ARHGEF10: variants seen among roughly 807,000 people sequenced by gnomAD.
The protein encoded by ARHGEF10 is Rho guanine nucleotide exchange factor (GEF) 10.
ARHGEF10 carries 140 observed loss-of-function variants against 147.4 expected under a neutral mutation model. The observed-to-expected ratio is 0.95, with a 90% CI of 0.83 to 1.09. The LOEUF is 1.09. ARHGEF10 is among the 50% of genes least tolerant of loss of function. The pLI is 0.00. For missense variants in ARHGEF10, 2,222 were observed against 1,752.7 expected (o/e 1.27, Z -4.78); for synonymous variants, 902 against 695.8 (o/e 1.30, Z -4.67).
intron 2 of ARHGEF10, among the ~76,000 whole-genome samples, chr8:1,844,675 G>A (rs939945357): frequency 3.3e-5 from 5 of 152,112 alleles, no homozygotes; most frequent in African/African-American, 4.8e-5. Flanking sequence ...GACGTCGGCC[G>A]GTCTCCTTGC....
At chr8:1,921,543 C>A (rs1436029683) in intron 18 of ARHGEF10, among the ~76,000 whole-genome samples, 1 of 152,148 alleles carries the variant, frequency 6.6e-6, no homozygotes, top group African/African-American at 2.4e-5. Flanking sequence ...GCCTTGCCAA[C>A]ATGGTGAACC....
At chr8:1,894,038 G>C (rs1809764335) in intron 12 of ARHGEF10, among the ~76,000 whole-genome samples, 1 of 151,988 alleles carries the variant, frequency 6.6e-6, no homozygotes, top group Admixed American at 6.6e-5. Context: ...GCCGGGTGTG[G>C]CGGTATGTGC....
At chr8:1,890,804 C>A (rs1463090717) in intron 11 of ARHGEF10, among the ~76,000 whole-genome samples, 1 of 151,922 alleles carries the variant, frequency 6.6e-6, no homozygotes, top group Non-Finnish European at 1.5e-5. Flanking sequence ...AGAGGTTTGA[C>A]CTTTTTGTTG....
intron 1 of ARHGEF10, among the ~76,000 whole-genome samples, chr8:1,835,013 G>A (rs56180055): frequency 0.15 from 22,178 of 152,288 alleles, 1,923 homozygotes; most frequent in Non-Finnish European, 0.2. Flanking sequence ...AAGCGGGTCC[G>A]CCACAACGCT....
At chr8:1,865,015 G>A (rs1467887991) in intron 5 of ARHGEF10, among the ~76,000 whole-genome samples, 4 of 152,246 alleles carry the variant, frequency 2.6e-5, no homozygotes, top group Admixed American at 6.5e-5. Context: ...TATATAGAAT[G>A]TAGTGTGAGG....
At chr8:1,844,927 A>G (rs1437479982) in intron 2 of ARHGEF10, among the ~76,000 whole-genome samples, 1 of 152,128 alleles carries the variant, frequency 6.6e-6, no homozygotes, top group Non-Finnish European at 1.5e-5. Flanking sequence ...ATGTAATAAT[A>G]ATTAGTTGTA....
In ARHGEF10 at chr8:1,826,439, T is replaced by C. The variant is rs997881868; in HGVS notation, c.-48+2326T>C. Among the ~76,000 whole-genome samples, 4 of 151,748 alleles carry C rather than the reference T, an allele frequency of 2.6e-5. No individual in the cohort carries two copies. The South Asian group carries it at 8.3e-4, about 32-fold the overall frequency. On this transcript the variant is annotated intron_variant, in intron 1 of 28. Coordinates refer to ENST00000349830, the MANE Select transcript of ARHGEF10 (RefSeq NM_014629.4). ...TGTGTGTGTGCGCTTTGTGTGTGTG[T>C]GTGTGCGCGTGTGTGAGTTGTAGAT...
At chr8:1,865,762 C>T (rs1806549383) in intron 5 of ARHGEF10, among the ~76,000 whole-genome samples, 2 of 152,188 alleles carry the variant, frequency 1.3e-5, no homozygotes, top group South Asian at 4.1e-4. Flanking sequence ...TTTCCGAGGC[C>T]TTCCATACAC....
At chr8:1,839,013 C>T (rs1489540725) in intron 1 of ARHGEF10, among the ~76,000 whole-genome samples, 2 of 149,654 alleles carry the variant, frequency 1.3e-5, no homozygotes, top group African/African-American at 2.5e-5. Flanking sequence ...GGATGCCGTC[C>T]GATGTGGGGA....
intron 1 of ARHGEF10, among the ~76,000 whole-genome samples, chr8:1,829,582 G>A (rs984477252): frequency 3.3e-5 from 5 of 152,238 alleles, no homozygotes; most frequent in Non-Finnish European, 7.3e-5. Context: ...CGGAAGCCGC[G>A]GCTTCGTGGC....
chr8:1,852,991 C>T (rs1805260253), intron 2 of ARHGEF10, among the ~76,000 whole-genome samples: 1 of 152,218 alleles, frequency 6.6e-6, no homozygotes, highest in Non-Finnish European at 1.5e-5. Flanking sequence ...GGCAGCCTGT[C>T]CTGGGCAGGC....
intron 18 of ARHGEF10, among the ~76,000 whole-genome samples, chr8:1,914,880 G>A (rs898053985): frequency 6.6e-6 from 1 of 152,200 alleles, no homozygotes; most frequent in Non-Finnish European, 1.5e-5. Context: ...AAGGTAGCAG[G>A]GAGGTTGGCT....
chr8:1,918,460 C>CTGTGTGTGTGTGTGTGTGTG (rs60519090), intron 18 of ARHGEF10, among the ~76,000 whole-genome samples: 32 of 140,946 alleles, frequency 2.3e-4, no homozygotes, highest in African/African-American at 8.5e-4. Context: ...CATTTGATGG[C>CTGTGTGTGTGTGTGTGTGTG]TGTGTGTGTG....
intron 1 of ARHGEF10, among the ~76,000 whole-genome samples, chr8:1,837,688 T>C (rs1223518500): frequency 2.0e-5 from 3 of 152,074 alleles, no homozygotes; most frequent in Non-Finnish European, 4.4e-5. Context: ...AAGAGTGTGC[T>C]TCTGGCCCTG....
chr8:1,823,583 C>T (rs573921489), upstream of ARHGEF10, among the ~76,000 whole-genome samples: 6 of 152,020 alleles, frequency 3.9e-5, no homozygotes, highest in South Asian at 1.0e-3. Flanking sequence ...CAGCTCTGAG[C>T]CGGGAGCAGG....
chr8:1,849,560 A>C (rs1804846386), intron 2 of ARHGEF10, among the ~76,000 whole-genome samples: 1 of 145,768 alleles, frequency 6.9e-6, no homozygotes, highest in African/African-American at 2.6e-5. Flanking sequence ...ATGGACAGCA[A>C]ATGCTGAGGA....
At chr8:1,942,222 A>C (rs1814153668) in intron 26 of ARHGEF10, among the ~76,000 whole-genome samples, 1 of 149,908 alleles carries the variant, frequency 6.7e-6, no homozygotes, top group South Asian at 2.2e-4. Context: ...TCATGTGAGA[A>C]GGATCTAGTA....
intron 1 of ARHGEF10, among the ~76,000 whole-genome samples, chr8:1,842,044 G>A (rs1474956610): frequency 4.8e-5 from 6 of 123,822 alleles, no homozygotes; most frequent in African/African-American, 1.4e-4. Context: ...GCGGGAACTG[G>A]GGCCGCGGCG....
intron 1 of ARHGEF10, among the ~76,000 whole-genome samples, chr8:1,829,972 G>A (rs1224464216): frequency 6.6e-6 from 1 of 152,206 alleles, no homozygotes; most frequent in Admixed American, 6.5e-5. Flanking sequence ...CGAGTCATAG[G>A]TAGCGGTAGC....
Sources: gnomAD v4.1 joint callset for allele counts (sites outside exome capture counted in the v4.1 genomes callset) on GRCh38, gnomAD v4.1.1 for gene constraint, MANE v1.5 for transcripts, NCBI Gene and HGNC (gene_info 2026-07-23, HGNC 2026-07-21) for gene names.